The following SLC4A10 variants were observed in gnomAD, a reference collection of about 807,000 sequenced individuals.
SLC4A10 encodes sodium-driven chloride bicarbonate exchanger.
In SLC4A10, 42 loss-of-function variants were observed where a neutral mutation model predicts 137.7. The ratio of observed to expected loss-of-function variants is 0.30; its 90% CI spans 0.24 to 0.39. The LOEUF (loss-of-function observed/expected upper bound fraction) is 0.39. SLC4A10 is among the 10% of genes least tolerant of loss of function. The probability of loss-of-function intolerance (pLI) is 1.00; values close to 1 mark genes in which losing one functional copy is unlikely to be tolerated. For synonymous variants in SLC4A10, 474 were observed against 464.1 expected (o/e 1.02, Z -0.27); for missense variants, 925 against 1,355.0 (o/e 0.68, Z 4.98).
At chr2:161,628,212 T>G (rs556771819) in intron 1 of SLC4A10, among the ~76,000 whole-genome samples, 1 of 152,030 alleles carries the variant, frequency 6.6e-6, no homozygotes, top group Non-Finnish European at 1.5e-5. Context: ...GGAAGAAGCT[T>G]CCAGAAGAAT....
intron 1 of SLC4A10, among the ~76,000 whole-genome samples, chr2:161,625,906 G>A (rs2105366968): frequency 6.6e-6 from 1 of 152,074 alleles, no homozygotes; most frequent in South Asian, 2.1e-4. Context: ...GGGAACAGGA[G>A]AAAGAAGTTT....
intron 1 of SLC4A10, among the ~76,000 whole-genome samples, chr2:161,749,888 G>C (rs1290135916): frequency 6.6e-6 from 1 of 151,698 alleles, no homozygotes; most frequent in Non-Finnish European, 1.5e-5. Context: ...AAGCCATCTT[G>C]TCTTCTTTGT....
At chr2:161,728,761 T>C (rs1178498614) in intron 1 of SLC4A10, among the ~76,000 whole-genome samples, 1 of 151,892 alleles carries the variant, frequency 6.6e-6, no homozygotes, top group Non-Finnish European at 1.5e-5. Context: ...TACAAGAAAA[T>C]GTGCAAACTA....
Position 161,905,657 on chromosome 2 carries a change from A to T in SLC4A10, c.1767A>T (p.Ser589=). Residue 589 remains serine, a synonymous_variant, in exon 15 of 27, where the codon TCA becomes TCT. Transcript: ENST00000446997. ...CTCCTCCCAGAGAATATGGGCTGTC[A>T]TACCTATCTTTAAGAGCTAGCATTG... The part of the protein sequence containing the change: ...LFKFCKEYGL[S]YLSLRASIGL... 6.2e-7 allele frequency: 1 copy of T among 1,609,662 alleles called. No homozygotes were observed. Among genetic ancestry groups the T allele is most frequent in the Non-Finnish European group, 8.5e-7 (1 of 1,178,062 alleles).
At chr2:161,705,229 T>C (rs1431082540) in intron 1 of SLC4A10, among the ~76,000 whole-genome samples, 2 of 151,546 alleles carry the variant, frequency 1.3e-5, no homozygotes, top group African/African-American at 2.4e-5. Context: ...GTGACTTATA[T>C]TGGGGAAAAC....
intron 24 of SLC4A10, 139 bp downstream of exon 24, chr2:161,974,455 C>G: frequency 1.6e-6 from 1 of 610,538 alleles, no homozygotes; most frequent in Non-Finnish European, 2.6e-6. Flanking sequence ...AGTTAGATAA[C>G]ATGGGTCCTA....
chr2:161,797,262 A>T (rs937836600), intron 2 of SLC4A10, among the ~76,000 whole-genome samples: 1 of 151,732 alleles, frequency 6.6e-6, no homozygotes, highest in African/African-American at 2.4e-5. Flanking sequence ...TGCTCACGTT[A>T]TCTCCTTTTT....
At chr2:161,917,562 A>T (rs1221825882) in intron 15 of SLC4A10, among the ~76,000 whole-genome samples, 1 of 150,648 alleles carries the variant, frequency 6.6e-6, no homozygotes, top group African/African-American at 2.4e-5. Context: ...TGGACAAAAG[A>T]GGGAGACCCT....
At chr2:161,814,667 C>A (rs1243152621) in intron 3 of SLC4A10, among the ~76,000 whole-genome samples, 1 of 152,080 alleles carries the variant, frequency 6.6e-6, no homozygotes, top group Admixed American at 6.6e-5. Context: ...AATGCAGGAA[C>A]AGAAAACCAA....
At chr2:161,980,895 A>G (rs925573621) in intron 26 of SLC4A10, among the ~76,000 whole-genome samples, 5 of 152,230 alleles carry the variant, frequency 3.3e-5, no homozygotes, top group African/African-American at 1.2e-4. Context: ...TGCATAATAC[A>G]TGTTTGTTAC....
At chr2:161,921,386 A>G (rs1211461516) in intron 15 of SLC4A10, among the ~76,000 whole-genome samples, 1 of 152,100 alleles carries the variant, frequency 6.6e-6, no homozygotes, top group Non-Finnish European at 1.5e-5. Flanking sequence ...GGATCATGAC[A>G]AGGCTCTGGG....
chr2:161,875,649 T>G (rs2125938558), intron 8 of SLC4A10, among the ~76,000 whole-genome samples: 1 of 152,310 alleles, frequency 6.6e-6, no homozygotes, highest in South Asian at 2.1e-4. Context: ...GTTGGTGGTG[T>G]TTTCTTTTAC....
chr2:161,679,686 C>CGTGTGT (rs67726464), intron 1 of SLC4A10, among the ~76,000 whole-genome samples: 2,999 of 136,682 alleles, frequency 0.022, 42 homozygotes, highest in Middle Eastern at 0.045. Context: ...TGTAGGTCAA[C>CGTGTGT]GTGTGTGTGT....
intron 3 of SLC4A10, among the ~76,000 whole-genome samples, chr2:161,837,942 A>ACAG (rs2058919786): frequency 6.6e-6 from 1 of 152,186 alleles, no homozygotes; most frequent in Admixed American, 6.5e-5. Context: ...CAAGGAGAAA[A>ACAG]CAGCAGTTTG....
chr2:161,881,751 C>G (rs975417228), intron 9 of SLC4A10, among the ~76,000 whole-genome samples: 5 of 151,912 alleles, frequency 3.3e-5, no homozygotes, highest in Admixed American at 2.6e-4. Flanking sequence ...GCCAAATGTT[C>G]GACCTAATAT....
chr2:161,699,850 G>A (rs1515186), intron 1 of SLC4A10, among the ~76,000 whole-genome samples: 122,560 of 152,030 alleles, frequency 0.81, 49,738 homozygotes, highest in Middle Eastern at 0.87. Context: ...CATTTATTAA[G>A]TATTTCTTAT....
chr2:161,924,142 A>G (rs547269392), intron 15 of SLC4A10, among the ~76,000 whole-genome samples: 69 of 152,266 alleles, frequency 4.5e-4, no homozygotes, highest in African/African-American at 1.6e-3. Flanking sequence ...TGCTATTTCC[A>G]TGTTTCTTTT....
intron 1 of SLC4A10, among the ~76,000 whole-genome samples, chr2:161,718,745 G>A (rs1013007658): frequency 2.0e-5 from 3 of 152,184 alleles, no homozygotes; most frequent in African/African-American, 7.2e-5. Flanking sequence ...TAGGCACCAT[G>A]TAGTGCTGAG....
chr2:161,635,452 CA>C (rs1039327674), intron 1 of SLC4A10, among the ~76,000 whole-genome samples: 3 of 152,040 alleles, frequency 2.0e-5, no homozygotes, highest in African/African-American at 7.2e-5. Context: ...TTTAGCATCT[CA>C]AAAAACCGAT....
Sources: allele counts gnomAD v4.1 joint callset (sites outside exome capture counted in the v4.1 genomes callset), GRCh38; gene constraint gnomAD v4.1.1; transcripts MANE v1.5; gene names NCBI Gene and HGNC (gene_info 2026-07-23, HGNC 2026-07-21).